TTK: variants seen among roughly 807,000 people sequenced by gnomAD.
The protein encoded by TTK is TTK protein kinase, also known as dual specificity protein kinase TTK.
TTK carries 59 observed loss-of-function variants against 117.3 expected under a neutral mutation model. The observed-to-expected ratio is 0.50, with a 90% CI of 0.41 to 0.62. The LOEUF (loss-of-function observed/expected upper bound fraction) is 0.62, where lower values mean the gene tolerates loss of function less well. Among genes scored for constraint, TTK ranks in the 20% least tolerant of loss-of-function variants. The pLI, the probability that TTK is intolerant of heterozygous loss-of-function variation, is 0.00. For missense variants in TTK, 921 were observed against 989.4 expected (o/e 0.93, Z 0.93); for synonymous variants, 302 against 325.0 (o/e 0.93, Z 0.76).
chr6:80,011,204 T>C (rs1236308362), intron 5 of TTK, among the ~76,000 whole-genome samples: 1 of 151,726 alleles, frequency 6.6e-6, no homozygotes, highest in East Asian at 1.9e-4. Flanking sequence ...TTTTTTTTGC[T>C]TTTGGAAATA....
intron 8 of TTK, 130 bp downstream of exon 8, chr6:80,012,110 T>G: frequency 1.4e-6 from 1 of 724,590 alleles, no homozygotes; most frequent in Non-Finnish European, 2.1e-6. Context: ...AGATAATCTC[T>G]AAATGTTGTC....
chr6:80,038,010 T>C lies in TTK; in HGVS notation c.2093T>C (p.Met698Thr), dbSNP rs776568921. The change falls in exon 18 of 22, where the codon ATG (methionine) becomes ACG (threonine). Residue 698 changes from methionine to threonine, a missense_variant. Physicochemically the swap from Met to Thr is moderately conservative, Grantham distance 81. Transcript: ENST00000369798. Reference protein sequence around the residue: ...NYMPPEAIKDMSSSRENGKSK... With the variant: ...NYMPPEAIKDTSSSRENGKSK... ...ATGCCACCAGAAGCAATCAAAGATATGTCTTCCTCCAGAGAGAATGGGAAA... is the reference window on the plus strand; with the variant it reads ...ATGCCACCAGAAGCAATCAAAGATACGTCTTCCTCCAGAGAGAATGGGAAA... 1.9e-6 allele frequency: 3 copies of C among 1,610,654 alleles called. No individual in the cohort carries two copies. Among genetic ancestry groups the C allele is most frequent in the Non-Finnish European group, 2.5e-6 (3 of 1,178,076 alleles).
chr6:80,006,102 T>C, intron 2 of TTK, 120 bp downstream of exon 2: 2 of 1,351,504 alleles, frequency 1.5e-6, no homozygotes, highest in East Asian at 4.8e-5. Context: ...TCTCCTCCAT[T>C]AGAATGCAGG....
At chr6:80,020,898 G>T (rs1767441471) in intron 10 of TTK, among the ~76,000 whole-genome samples, 1 of 152,240 alleles carries the variant, frequency 6.6e-6, no homozygotes. Context: ...CGGATCCAAT[G>T]CAGATGGAGC....
chr6:80,015,028 G>A (rs148775460), intron 10 of TTK, among the ~76,000 whole-genome samples: 152 of 152,276 alleles, frequency 1.0e-3, no homozygotes, highest in African/African-American at 3.5e-3. Context: ...ATATATAAAT[G>A]CAATGCTGAA....
intron 4 of TTK, 97 bp downstream of exon 4, chr6:80,008,589 G>A (rs1485263620): frequency 9.1e-7 from 1 of 1,100,062 alleles, no homozygotes; most frequent in East Asian, 2.8e-5. Flanking sequence ...GGAAATTTGA[G>A]GCAAAAGACA....
chr6:80,035,093 T>A lies in TTK; in HGVS notation c.1723T>A (p.Leu575Met). The change falls in exon 15 of 22, where the codon TTG becomes ATG. Residue 575 changes from leucine to methionine, a missense_variant. Physicochemically the swap from Leu to Met is conservative, Grantham distance 15. Transcript: ENST00000369798. Reference protein sequence around the residue: ...LDSYRNEIAYLNKLQQHSDKI... With the variant: ...LDSYRNEIAYMNKLQQHSDKI... Reference sequence around the variant, plus strand: ...TAGTTACCGGAACGAAATAGCTTATTTGAATAAACTACAACAACACAGTGA... The same window carrying A: ...TAGTTACCGGAACGAAATAGCTTATATGAATAAACTACAACAACACAGTGA... The A allele has an allele frequency of 1.3e-6, 2 of 1,599,176 alleles. No individual in the cohort carries two copies. Among genetic ancestry groups the A allele is most frequent in the East Asian group, 2.2e-5 (1 of 44,560 alleles).
At chr6:80,029,229 A>G (rs1767691384) in intron 13 of TTK, among the ~76,000 whole-genome samples, 2 of 152,194 alleles carry the variant, frequency 1.3e-5, no homozygotes, top group African/African-American at 2.4e-5. Context: ...TATTTGCACC[A>G]CCATCCATCA....
chr6:80,027,833 C>A, intron 12 of TTK, 52 bp from the exon 13 acceptor site: 1 of 1,357,490 alleles, frequency 7.4e-7, no homozygotes, highest in Non-Finnish European at 9.9e-7. Context: ...CTGAATCAGA[C>A]TTATTTGTTA....
chr6:80,023,387 A>G (rs1379377002), intron 11 of TTK, among the ~76,000 whole-genome samples: 1 of 152,176 alleles, frequency 6.6e-6, no homozygotes, highest in African/African-American at 2.4e-5. Context: ...AGGTCAGGAG[A>G]TCGAGACCAT....
At chr6:80,030,847 C>A (rs890656473) in intron 13 of TTK, among the ~76,000 whole-genome samples, 1 of 152,068 alleles carries the variant, frequency 6.6e-6, no homozygotes, top group African/African-American at 2.4e-5. Flanking sequence ...AGCACCTTAG[C>A]ACATTGCTTC....
chr6:80,033,338 C>T (rs147587200), intron 14 of TTK, among the ~76,000 whole-genome samples: 5 of 152,308 alleles, frequency 3.3e-5, no homozygotes, highest in Admixed American at 3.3e-4. Context: ...TCCTTGCCCA[C>T]ACTGTAAAAC....
intron 21 of TTK, 22 bp downstream of exon 21, chr6:80,040,725 A>C: frequency 1.2e-6 from 2 of 1,601,148 alleles, no homozygotes; most frequent in Non-Finnish European, 1.7e-6. Flanking sequence ...TATTCTTTAC[A>C]TTAATTTTTA....
intron 12 of TTK, among the ~76,000 whole-genome samples, chr6:80,027,553 T>TA (rs943404259): frequency 6.5e-4 from 99 of 151,650 alleles, no homozygotes; most frequent in African/African-American, 2.0e-3. Flanking sequence ...CATTATTGTT[T>TA]AAAAAAAAAC....
intron 12 of TTK, among the ~76,000 whole-genome samples, chr6:80,027,370 T>C (rs1033592847): frequency 6.6e-6 from 1 of 152,210 alleles, no homozygotes; most frequent in African/African-American, 2.4e-5. Flanking sequence ...TTAATTATTG[T>C]TAACAAATAT....
intron 17 of TTK, among the ~76,000 whole-genome samples, chr6:80,037,132 G>A (rs1767925974): frequency 6.6e-6 from 1 of 152,102 alleles, no homozygotes; most frequent in Admixed American, 6.6e-5. Context: ...AAAAACTAAA[G>A]CAATGGCACC....
At position 80,035,350 on chromosome 6, in the gene TTK, T is replaced by G; in HGVS notation, c.1857T>G (p.Ile619Met). The part of the protein sequence containing the change: ...LNSWLKKKKS[I>M]DPWERKSYWK... ...GTTGGCTTAAAAAGAAAAAATCCATTGATCCATGGGAACGCAAGAGTTACT... is the reference window on the plus strand; with the variant it reads ...GTTGGCTTAAAAAGAAAAAATCCATGGATCCATGGGAACGCAAGAGTTACT... The change falls in exon 16 of 22, where the codon ATT (isoleucine) becomes ATG (methionine). Residue 619 changes from isoleucine (I) to methionine (M), a missense_variant. Physicochemically the swap from Ile to Met is conservative, Grantham distance 10. Transcript: ENST00000369798. 6.2e-7 allele frequency: 1 copy of G among 1,612,712 alleles called. No individual in the cohort carries two copies. Among genetic ancestry groups the G allele is most frequent in the Non-Finnish European group, 8.5e-7 (1 of 1,179,280 alleles).
chr6:80,025,288 C>T (rs1767576319), intron 11 of TTK, among the ~76,000 whole-genome samples: 2 of 152,004 alleles, frequency 1.3e-5, no homozygotes, highest in African/African-American at 2.4e-5. Flanking sequence ...CACAGACACA[C>T]GAAGTCTTAA....
At position 80,014,681 on chromosome 6, in the gene TTK, G is replaced by A; in HGVS notation, c.1108+95G>A. 4.0e-6 allele frequency: 5 copies of A among 1,260,846 alleles called. No homozygotes were observed. In the South Asian group the frequency reaches 7.2e-5, roughly 18 times the overall value. 78.1% of individuals were successfully genotyped at this position (1,260,846 alleles called of 1,614,324 possible). A position where few individuals can be genotyped will look rare whatever the true frequency, so the allele number is the denominator to read the frequency against. ...ACTAGCCACCTAAGAATTATGATGT[G>A]AAACTGTGTCTATGTTCTTTTATCT... On this transcript the variant is annotated intron_variant, in intron 10 of 21. Transcript: ENST00000369798.
Sources: gnomAD v4.1 joint callset for allele counts (sites outside exome capture counted in the v4.1 genomes callset) on GRCh38, gnomAD v4.1.1 for gene constraint, MANE v1.5 for transcripts, NCBI Gene and HGNC (gene_info 2026-07-23, HGNC 2026-07-21) for gene names.